The following ZFAND3 variants were observed in gnomAD, a reference collection of about 807,000 sequenced individuals.
ZFAND3 encodes the protein zinc finger AN1-type containing 3.
A neutral mutation model predicts 29.6 loss-of-function variants in ZFAND3; 10 were observed. The ratio of observed to expected loss-of-function variants is 0.34; its 90% CI spans 0.21 to 0.57. The LOEUF (loss-of-function observed/expected upper bound fraction) is 0.57. Among genes scored for constraint, ZFAND3 ranks in the 20% least tolerant of loss-of-function variants. The probability of loss-of-function intolerance (pLI) is 0.86; values close to 1 mark genes in which losing one functional copy is unlikely to be tolerated. For missense variants in ZFAND3, 230 were observed against 304.5 expected (o/e 0.76, Z 1.82); for synonymous variants, 128 against 112.6 (o/e 1.14, Z -0.87).
At chr6:38,056,344 G>C (rs1389803724) in intron 2 of ZFAND3, among the ~76,000 whole-genome samples, 1 of 152,114 alleles carries the variant, frequency 6.6e-6, no homozygotes, top group Admixed American at 6.5e-5. Flanking sequence ...GAATTAATTT[G>C]TTTTCAATGA....
At chr6:37,963,282 A>G (rs1337922299) in intron 2 of ZFAND3, among the ~76,000 whole-genome samples, 1 of 152,244 alleles carries the variant, frequency 6.6e-6, no homozygotes, top group African/African-American at 2.4e-5. Flanking sequence ...AGAAATGGAA[A>G]AATTCCTTGA....
intron 2 of ZFAND3, among the ~76,000 whole-genome samples, chr6:37,970,010 C>G (rs996015708): frequency 6.6e-6 from 1 of 152,042 alleles, no homozygotes; most frequent in African/African-American, 2.4e-5. Context: ...CTACAAAAAT[C>G]CCAGCTACTT....
chr6:37,886,798 C>T (rs1285841017), intron 1 of ZFAND3, among the ~76,000 whole-genome samples: 1 of 152,102 alleles, frequency 6.6e-6, no homozygotes, highest in African/African-American at 2.4e-5. Flanking sequence ...GGTTCAAGAC[C>T]AGGTTGGCCA....
intron 1 of ZFAND3, among the ~76,000 whole-genome samples, chr6:37,903,598 G>A (rs1765357552): frequency 6.6e-6 from 1 of 152,238 alleles, no homozygotes; most frequent in African/African-American, 2.4e-5. Flanking sequence ...CCCTAGGTCA[G>A]TGGTCTGTGG....
At chr6:38,147,117 C>A (rs1362555655) in intron 5 of ZFAND3, among the ~76,000 whole-genome samples, 1 of 152,146 alleles carries the variant, frequency 6.6e-6, no homozygotes, top group Non-Finnish European at 1.5e-5. Context: ...TGTGTTTATA[C>A]CCTTTAATCC....
chr6:37,869,195 C>G (rs1764646242), intron 1 of ZFAND3, among the ~76,000 whole-genome samples: 2 of 152,178 alleles, frequency 1.3e-5, no homozygotes, highest in South Asian at 4.1e-4. Flanking sequence ...GAGTCTCGCT[C>G]TATCATCCAG....
chr6:38,071,729 G>GA (rs1473542296), intron 3 of ZFAND3, among the ~76,000 whole-genome samples: 1 of 152,096 alleles, frequency 6.6e-6, no homozygotes, highest in African/African-American at 2.4e-5. Context: ...TTCTTGGCAA[G>GA]AGAATGTCAT....
intron 2 of ZFAND3, among the ~76,000 whole-genome samples, chr6:38,027,297 C>T (rs1763469581): frequency 6.6e-6 from 1 of 152,224 alleles, no homozygotes; most frequent in Admixed American, 6.5e-5. Context: ...TTATTGTCAA[C>T]AAATAGTCTC....
intron 1 of ZFAND3, among the ~76,000 whole-genome samples, chr6:37,903,863 G>A (rs933259726): frequency 4.6e-5 from 7 of 152,030 alleles, no homozygotes; most frequent in Admixed American, 1.3e-4. Flanking sequence ...GAGGTGAGAG[G>A]TTTTTGTTCT....
chr6:37,841,339 C>A (rs1165246107), intron 1 of ZFAND3, among the ~76,000 whole-genome samples: 1 of 151,386 alleles, frequency 6.6e-6, no homozygotes, highest in Non-Finnish European at 1.5e-5. Context: ...TAATATTTTG[C>A]TTTATTTGCT....
At position 37,840,573 on chromosome 6, in the gene ZFAND3, G is replaced by GTCAGCTTGTCAGCTTGA. The variant is rs1396918245; in HGVS notation, c.71+20573_71+20589dup. 1.4e-4 allele frequency among the ~76,000 whole-genome samples: 21 copies of GTCAGCTTGTCAGCTTGA among 152,194 alleles called. 1 individual carries two copies. Among genetic ancestry groups the GTCAGCTTGTCAGCTTGA allele is most frequent in the Admixed American group, 5.9e-4 (9 of 15,288 alleles). ...AATTACATATGAATTTCATCAGCTT[G>GTCAGCTTGTCAGCTTGA]TCAGCTTGTCAGCTTGATCAGCTTG... is the stretch of plus-strand genomic sequence containing the variant. On this transcript the variant is annotated intron_variant, in intron 1 of 5. Coordinates refer to ENST00000287218, the MANE Select transcript of ZFAND3 (RefSeq NM_021943.3).
intron 5 of ZFAND3, among the ~76,000 whole-genome samples, chr6:38,129,343 T>C (rs1053904580): frequency 2.6e-5 from 4 of 152,194 alleles, no homozygotes; most frequent in Admixed American, 2.6e-4. Context: ...GTCCCAGCAG[T>C]TTATTTTTGG....
intron 2 of ZFAND3, among the ~76,000 whole-genome samples, chr6:37,934,393 A>G (rs1761656282): frequency 6.6e-6 from 1 of 152,092 alleles, no homozygotes. Context: ...TTTCTATGCC[A>G]GGATAACTAC....
chr6:37,885,695 T>C (rs1764977649), intron 1 of ZFAND3, among the ~76,000 whole-genome samples: 2 of 152,246 alleles, frequency 1.3e-5, no homozygotes, highest in East Asian at 1.9e-4. Flanking sequence ...CTGAAGAATT[T>C]CAACCTTATT....
chr6:37,851,952 C>T (rs1340125062), intron 1 of ZFAND3, among the ~76,000 whole-genome samples: 1 of 152,132 alleles, frequency 6.6e-6, no homozygotes, highest in Admixed American at 6.5e-5. Flanking sequence ...TGATACATTG[C>T]AGTAAAGTGT....
chr6:37,832,041 T>G (rs575832527), intron 1 of ZFAND3, among the ~76,000 whole-genome samples: 7 of 152,272 alleles, frequency 4.6e-5, no homozygotes, highest in South Asian at 2.1e-4. Flanking sequence ...GGACCATGGA[T>G]CCCTTTGGCA....
At chr6:38,056,013 C>A (rs565923756) in intron 2 of ZFAND3, among the ~76,000 whole-genome samples, 1 of 152,286 alleles carries the variant, frequency 6.6e-6, no homozygotes, top group African/African-American at 2.4e-5. Context: ...CATAGTAAGT[C>A]TTGTGCTATG....
At chr6:38,005,178 T>A (rs1221584558) in intron 2 of ZFAND3, among the ~76,000 whole-genome samples, 1 of 152,218 alleles carries the variant, frequency 6.6e-6, no homozygotes, top group Non-Finnish European at 1.5e-5. Flanking sequence ...TTAGTGCCAT[T>A]TCAAACCCCA....
intron 4 of ZFAND3, 126 bp from the exon 5 acceptor site, chr6:38,116,446 T>A: frequency 8.9e-7 from 1 of 1,122,772 alleles, no homozygotes; most frequent in Non-Finnish European, 1.3e-6. Flanking sequence ...CAGAACTGGC[T>A]CTCACCTGTC....
Sources: allele counts gnomAD v4.1 joint callset (sites outside exome capture counted in the v4.1 genomes callset), GRCh38; gene constraint gnomAD v4.1.1; transcripts MANE v1.5; gene names NCBI Gene and HGNC (gene_info 2026-07-23, HGNC 2026-07-21).